Variants in SDC2 observed in about 807,000 individuals in gnomAD.
SDC2 encodes syndecan-2.
SDC2 carries 13 observed loss-of-function variants against 22.2 expected under a neutral mutation model. The observed-to-expected ratio is 0.59, with a 90% confidence interval of 0.38 to 0.93. The LOEUF is 0.93. SDC2 is among the 40% of genes least tolerant of loss of function. SDC2 has a pLI of 0.00. For missense variants in SDC2, 235 were observed against 246.8 expected, an observed-to-expected ratio of 0.95 and a Z score of 0.32; for synonymous variants, 94 against 92.8, an observed-to-expected ratio of 1.01 and a Z score of -0.07.
chr8:96,607,988 G>A (rs1815111034), intron 3 of SDC2, among the ~76,000 whole-genome samples: 1 of 152,156 alleles, frequency 6.6e-6, no homozygotes, highest in South Asian at 2.1e-4. Flanking sequence ...CTGTTGGGTT[G>A]GAGCAGTCAG....
chr8:96,507,988 C>A (rs1267475275), intron 1 of SDC2, among the ~76,000 whole-genome samples: 1 of 148,692 alleles, frequency 6.7e-6, no homozygotes, highest in African/African-American at 2.5e-5. Context: ...ATGGTGAAAC[C>A]CTGTCTCTAC....
intron 1 of SDC2, among the ~76,000 whole-genome samples, chr8:96,546,929 G>C (rs1267318066): frequency 6.6e-6 from 1 of 152,186 alleles, no homozygotes; most frequent in Non-Finnish European, 1.5e-5. Flanking sequence ...TCCATGTATT[G>C]ATTAATGGAC....
intron 1 of SDC2, among the ~76,000 whole-genome samples, chr8:96,529,852 T>G (rs934571702): frequency 1.3e-5 from 2 of 152,148 alleles, no homozygotes; most frequent in African/African-American, 4.8e-5. Flanking sequence ...CGGTGCCCAC[T>G]TAGCTGAGCC....
intron 1 of SDC2, among the ~76,000 whole-genome samples, chr8:96,552,079 A>G (rs900452090): frequency 1.3e-5 from 2 of 152,130 alleles, no homozygotes; most frequent in East Asian, 3.9e-4. Context: ...CCAGCCACAC[A>G]TTGGTGTGTG....
chr8:96,596,430 G>T (rs1814877700), intron 2 of SDC2, among the ~76,000 whole-genome samples: 1 of 152,222 alleles, frequency 6.6e-6, no homozygotes, highest in Admixed American at 6.5e-5. Context: ...ATAGGACTAT[G>T]TTCTATATGT....
intron 1 of SDC2, among the ~76,000 whole-genome samples, chr8:96,517,371 T>A (rs1441446845): frequency 1.3e-5 from 2 of 152,220 alleles, no homozygotes; most frequent in South Asian, 4.1e-4. Flanking sequence ...CTTTTGTTGC[T>A]TATGTTTTTG....
In SDC2 at chr8:96,602,422, A is replaced by G. The variant is rs2130653158; in HGVS notation, c.200A>G (p.Glu67Gly). The G allele has an allele frequency of 6.2e-7, 1 of 1,614,138 alleles. No homozygotes were observed. The highest frequency in any genetic ancestry group is 8.5e-7 in the Non-Finnish European group (1 of 1,179,996). The change falls in exon 3 of 5, where the codon GAG (glutamate) becomes GGG (glycine). Residue 67 changes from glutamate to glycine, a missense_variant. By Grantham distance (98) the Glu-to-Gly change is moderately conservative. Transcript: ENST00000302190. ...SGADEDVESP[E>G]LTTSRPLPKI... Reference sequence around the variant, plus strand: ...GCTGATGAGGATGTAGAGAGTCCAGAGCTGACAACATCTCGACCACTTCCA... The same window carrying G: ...GCTGATGAGGATGTAGAGAGTCCAGGGCTGACAACATCTCGACCACTTCCA...
intron 1 of SDC2, among the ~76,000 whole-genome samples, chr8:96,539,745 A>G (rs1287318397): frequency 1.3e-5 from 2 of 152,086 alleles, no homozygotes; most frequent in Non-Finnish European, 2.9e-5. Flanking sequence ...CGTTTTTTTC[A>G]TTCATTCTGT....
chr8:96,519,306 T>G (rs912538994), intron 1 of SDC2, among the ~76,000 whole-genome samples: 1 of 152,246 alleles, frequency 6.6e-6, no homozygotes, highest in Non-Finnish European at 1.5e-5. Context: ...CTATTTTTTG[T>G]AAAATCCTCA....
At chr8:96,529,082 G>T (rs1296951469) in intron 1 of SDC2, 18 of 152,206 alleles carry the variant, frequency 1.2e-4, no homozygotes, top group Admixed American at 1.2e-3. Flanking sequence ...GAGGCCCTAG[G>T]TCAGTTACTT....
At chr8:96,531,728 G>A (rs2582828) in intron 1 of SDC2, among the ~76,000 whole-genome samples, 31,491 of 152,088 alleles carry the variant, frequency 0.21, 3,735 homozygotes, top group African/African-American at 0.32. Context: ...GTTACTTGGC[G>A]TGGTTTTATA....
intron 1 of SDC2, among the ~76,000 whole-genome samples, chr8:96,561,603 A>G (rs1017824979): frequency 6.6e-6 from 1 of 152,226 alleles, no homozygotes; most frequent in Non-Finnish European, 1.5e-5. Context: ...AGATGGCCCA[A>G]CAGTACAGCA....
At chr8:96,495,358 T>C (rs1813055558) in intron 1 of SDC2, among the ~76,000 whole-genome samples, 2 of 152,178 alleles carry the variant, frequency 1.3e-5, no homozygotes, top group South Asian at 4.1e-4. Context: ...GGAGCTTGTT[T>C]CCCCACGTCG....
chr8:96,580,503 C>CT, intron 1 of SDC2: 1 of 985,364 alleles, frequency 1.0e-6, no homozygotes, highest in Non-Finnish European at 1.2e-6. Context: ...AGCATCATGA[C>CT]TACAGACTCA....
chr8:96,505,828 A>G (rs1813230596), intron 1 of SDC2, among the ~76,000 whole-genome samples: 1 of 152,216 alleles, frequency 6.6e-6, no homozygotes, highest in Non-Finnish European at 1.5e-5. Flanking sequence ...ACAAAGGACA[A>G]AGCTCTATGT....
intron 1 of SDC2, among the ~76,000 whole-genome samples, chr8:96,542,660 A>G (rs1206841155): frequency 6.6e-6 from 1 of 152,006 alleles, no homozygotes; most frequent in African/African-American, 2.4e-5. Context: ...TCCCCCCGAG[A>G]AGACAAGCGT....
At position 96,609,560 on chromosome 8, in the gene SDC2, A is replaced by G. The variant is rs1196928212; in HGVS notation, c.*12A>G. On this transcript the variant is annotated 3_prime_UTR_variant, in exon 5 of 5. Coordinates refer to ENST00000302190, the MANE Select transcript of SDC2 (RefSeq NM_002998.4). ...AGTTTTATGCGTAAAACTCCAACTT[A>G]GTGTCTCTATTTATGAGATCACTGA... The G allele has an allele frequency of 4.5e-6, 7 of 1,568,000 alleles. No individual in the cohort carries two copies. The African/African-American group carries it at 6.8e-5, about 15-fold the overall frequency.
chr8:96,573,773 C>G (rs1814441747), intron 1 of SDC2, among the ~76,000 whole-genome samples: 1 of 152,120 alleles, frequency 6.6e-6, no homozygotes, highest in Non-Finnish European at 1.5e-5. Context: ...CCAGCCTGAT[C>G]TTTCCAAACA....
intron 1 of SDC2, among the ~76,000 whole-genome samples, chr8:96,556,918 A>C (rs2130551919): frequency 6.6e-6 from 1 of 151,170 alleles, no homozygotes; most frequent in East Asian, 1.9e-4. Context: ...GAACTCAAAC[A>C]AATTTACAAG....
Sources: allele counts gnomAD v4.1 joint callset (sites outside exome capture counted in the v4.1 genomes callset), GRCh38; gene constraint gnomAD v4.1.1; transcripts MANE v1.5; gene names NCBI Gene and HGNC (gene_info 2026-07-23, HGNC 2026-07-21).